CSMD2: variants seen among roughly 807,000 people sequenced by gnomAD.
CSMD2 encodes the protein CUB and Sushi multiple domains 2.
A neutral mutation model predicts 398.5 loss-of-function variants in CSMD2; 130 were observed. The observed-to-expected ratio is 0.33, with a 90% CI of 0.28 to 0.38. The LOEUF is 0.38. Among genes scored for constraint, CSMD2 ranks in the 10% least tolerant of loss-of-function variants. The probability of loss-of-function intolerance (pLI) is 1.00; values close to 1 mark genes in which losing one functional copy is unlikely to be tolerated. For missense variants in CSMD2, 3,829 were observed against 4,764.9 expected (o/e 0.80, Z 5.78); for synonymous variants, 1,828 against 1,908.5 (o/e 0.96, Z 1.10).
At chr1:34,154,465 G>A (rs1218903169) in intron 1 of CSMD2, among the ~76,000 whole-genome samples, 1 of 152,228 alleles carries the variant, frequency 6.6e-6, no homozygotes, top group African/African-American at 2.4e-5. Flanking sequence ...TAGTGGTGGA[G>A]TAAGGGGGAG....
intron 20 of CSMD2, 69 bp downstream of exon 20, chr1:33,716,217 A>T: frequency 7.7e-7 from 1 of 1,297,304 alleles, no homozygotes; most frequent in African/African-American, 1.5e-5. Flanking sequence ...AAAACCAGAG[A>T]CTGGTAGCAG....
intron 2 of CSMD2, among the ~76,000 whole-genome samples, chr1:34,087,433 G>C (rs1381387267): frequency 6.6e-6 from 1 of 151,344 alleles, no homozygotes; most frequent in Non-Finnish European, 1.5e-5. Context: ...AGAACACATG[G>C]ACAAAGGGAG....
chr1:33,995,088 AAAG>A (rs933946640), intron 3 of CSMD2, among the ~76,000 whole-genome samples: 13 of 152,206 alleles, frequency 8.5e-5, no homozygotes, highest in African/African-American at 2.9e-4. Context: ...AAAAAAAAAA[AAAG>A]AAGTGTTTTC....
chr1:33,626,676 C>T (rs1366445750), intron 32 of CSMD2, 95 bp from the exon 33 acceptor site: 6 of 763,226 alleles, frequency 7.9e-6, no homozygotes, highest in Non-Finnish European at 1.0e-5. Context: ...CTGCCAGTAC[C>T]CCATGCAGCA....
intron 51 of CSMD2, 34 bp from the exon 52 acceptor site, chr1:33,569,581 C>G (rs41312016): frequency 1.2e-6 from 2 of 1,601,364 alleles, no homozygotes; most frequent in Non-Finnish European, 1.7e-6. Flanking sequence ...GTAAGCCAGC[C>G]CCAAGAGGAG....
intron 7 of CSMD2, among the ~76,000 whole-genome samples, chr1:33,823,227 A>T (rs985237434): frequency 6.6e-6 from 1 of 152,020 alleles, no homozygotes; most frequent in Non-Finnish European, 1.5e-5. Context: ...CACAAACCCA[A>T]CGGTGACGCG....
chr1:34,141,620 G>A (rs1224416664), intron 1 of CSMD2, among the ~76,000 whole-genome samples: 2 of 152,192 alleles, frequency 1.3e-5, no homozygotes, highest in Non-Finnish European at 2.9e-5. Context: ...GAAGCCACTG[G>A]CCGGAGCAGA....
At chr1:34,006,910 C>T (rs1647074974) in intron 3 of CSMD2, among the ~76,000 whole-genome samples, 1 of 152,006 alleles carries the variant, frequency 6.6e-6, no homozygotes, top group African/African-American at 2.4e-5. Flanking sequence ...ATTCCACTGC[C>T]AGACTCTCTC....
Position 33,596,211 on chromosome 1 carries a change from C to T in CSMD2, c.6856+4654G>A, listed in dbSNP as rs149739245. Among the ~76,000 whole-genome samples the T allele has an allele frequency of 1.4e-3, 220 of 152,240 alleles. 1 individual carries two copies. Among genetic ancestry groups the T allele is most frequent in the African/African-American group, 4.9e-3 (204 of 41,568 alleles). The stretch of plus-strand genomic sequence containing the variant: ...CCTCACCCTACTTGGGCTCTGACTT[C>T]CTTTCCTGGGCTGAACCTTCTCTGT... On this transcript the variant is annotated intron_variant, in intron 44 of 70. Transcript: ENST00000373381.
chr1:33,709,631 G>A (rs1645918594), intron 21 of CSMD2: 3 of 336,754 alleles, frequency 8.9e-6, no homozygotes, highest in Admixed American at 4.4e-5. Flanking sequence ...GAGGTCAGGG[G>A]AAGAGGGGGG....
chr1:33,571,518 C>A lies in CSMD2; in HGVS notation c.7957+14G>T. On this transcript the variant is annotated intron_variant, in intron 51 of 70. Coordinates refer to ENST00000373381, the MANE Select transcript of CSMD2 (RefSeq NM_001281956.2). ...ACCCTGCTAAACTTGCCCACCCTCC[C>A]TTCCTGGGCTTACTTCGGCAGGTGG... 7.0e-7 allele frequency: 1 copy of A among 1,429,282 alleles called. No homozygotes were observed. The highest frequency in any genetic ancestry group is 1.8e-5 in the South Asian group (1 of 56,898). 88.5% of individuals were successfully genotyped at this position (1,429,282 alleles called of 1,614,324 possible).
At chr1:33,664,438 A>T (rs1048905590) in intron 25 of CSMD2, among the ~76,000 whole-genome samples, 1 of 152,204 alleles carries the variant, frequency 6.6e-6, no homozygotes, top group Non-Finnish European at 1.5e-5. Flanking sequence ...ATCTTTATGT[A>T]GCTTTGTGCA....
At chr1:34,061,191 G>A (rs1654460169) in intron 2 of CSMD2, among the ~76,000 whole-genome samples, 1 of 152,140 alleles carries the variant, frequency 6.6e-6, no homozygotes, top group Admixed American at 6.5e-5. Flanking sequence ...ACAAGGTGGA[G>A]GACCTCTCCT....
intron 2 of CSMD2, among the ~76,000 whole-genome samples, chr1:34,059,906 T>A (rs974516516): frequency 1.3e-5 from 2 of 152,176 alleles, no homozygotes; most frequent in African/African-American, 2.4e-5. Flanking sequence ...TCCCATCTCA[T>A]CTGTGTTCAT....
chr1:33,536,199 G>T (rs994139642), intron 62 of CSMD2, among the ~76,000 whole-genome samples: 3 of 152,126 alleles, frequency 2.0e-5, no homozygotes, highest in Non-Finnish European at 2.9e-5. Context: ...GTCCTGCCTT[G>T]AACACACCCA....
intron 1 of CSMD2, among the ~76,000 whole-genome samples, chr1:34,093,067 T>G (rs1409373240): frequency 1.4e-3 from 208 of 150,732 alleles, no homozygotes; most frequent in Middle Eastern, 6.8e-3. Context: ...ATCTGAGAAC[T>G]GGCAGACTGC....
At chr1:34,101,349 C>T (rs1004588154) in intron 1 of CSMD2, among the ~76,000 whole-genome samples, 1 of 152,182 alleles carries the variant, frequency 6.6e-6, no homozygotes, top group African/African-American at 2.4e-5. Flanking sequence ...ATTGCTCATT[C>T]ATTTGTTTTG....
intron 58 of CSMD2, among the ~76,000 whole-genome samples, chr1:33,542,276 C>A (rs1188911564): frequency 6.6e-6 from 1 of 152,134 alleles, no homozygotes; most frequent in Non-Finnish European, 1.5e-5. Context: ...GGGTCGGGTA[C>A]AAGGACAGAA....
chr1:34,121,693 A>G (rs1662201144), intron 1 of CSMD2, among the ~76,000 whole-genome samples: 1 of 152,118 alleles, frequency 6.6e-6, no homozygotes. Context: ...TCCCAATTAA[A>G]TTAAATTAAT....
Sources: gnomAD v4.1 joint callset for allele counts (sites outside exome capture counted in the v4.1 genomes callset) on GRCh38, gnomAD v4.1.1 for gene constraint, MANE v1.5 for transcripts, NCBI Gene and HGNC (gene_info 2026-07-23, HGNC 2026-07-21) for gene names.